Variants in DSCAML1 observed in about 807,000 individuals in gnomAD.
DSCAML1 encodes the protein cell adhesion molecule DSCAML1.
A neutral mutation model predicts 200.5 loss-of-function variants in DSCAML1; 38 were observed. The ratio of observed to expected loss-of-function variants is 0.19; its 90% confidence interval spans 0.15 to 0.25. DSCAML1 has a LOEUF of 0.25. Ranked by LOEUF, DSCAML1 falls within the 10% of genes least tolerant of loss-of-function variation. The pLI is 1.00. For synonymous variants in DSCAML1, 1,215 were observed against 1,165.0 expected (o/e 1.04, Z -0.87); for missense variants, 2,223 against 2,858.8 (o/e 0.78, Z 5.07).
chr11:117,649,334 T>C (rs2052582575), intron 3 of DSCAML1, among the ~76,000 whole-genome samples: 1 of 152,132 alleles, frequency 6.6e-6, no homozygotes, highest in Admixed American at 6.5e-5. Flanking sequence ...CGCCTTGGCC[T>C]CCCAAAGTGC....
At chr11:117,470,381 C>T (rs1012367953) in intron 15 of DSCAML1, among the ~76,000 whole-genome samples, 2 of 152,086 alleles carry the variant, frequency 1.3e-5, no homozygotes, top group Non-Finnish European at 2.9e-5. Flanking sequence ...CGAGACCATC[C>T]TGGCTAACAG....
At chr11:117,435,006 T>G (rs559630365) in intron 27 of DSCAML1, among the ~76,000 whole-genome samples, 3 of 152,378 alleles carry the variant, frequency 2.0e-5, no homozygotes, top group African/African-American at 7.2e-5. Flanking sequence ...CTCTATAGTC[T>G]TGCAGTATCT....
chr11:117,684,555 CAGAG>C (rs143050500), intron 3 of DSCAML1, among the ~76,000 whole-genome samples: 1 of 145,796 alleles, frequency 6.9e-6, no homozygotes, highest in Non-Finnish European at 1.5e-5. Flanking sequence ...TAGCAAAGAG[CAGAG>C]AGAGAGAGAG....
intron 3 of DSCAML1, among the ~76,000 whole-genome samples, chr11:117,702,619 C>T (rs1000146607): frequency 2.6e-5 from 4 of 152,004 alleles, no homozygotes; most frequent in Admixed American, 6.6e-5. Context: ...CATTGCCTGG[C>T]GCATAGTAGG....
chr11:117,556,636 C>T (rs959118642), intron 3 of DSCAML1, among the ~76,000 whole-genome samples: 15 of 152,084 alleles, frequency 9.9e-5, no homozygotes, highest in African/African-American at 3.6e-4. Context: ...ACCACCTGAC[C>T]CCAGGGCCCT....
At chr11:117,562,844 G>T (rs2050689107) in intron 3 of DSCAML1, among the ~76,000 whole-genome samples, 1 of 152,146 alleles carries the variant, frequency 6.6e-6, no homozygotes, top group African/African-American at 2.4e-5. Flanking sequence ...TGGTTCTCCT[G>T]CCTCAGCCTC....
chr11:117,549,655 A>C lies in DSCAML1; in HGVS notation c.512-17133T>G, dbSNP rs199665278. Among the ~76,000 whole-genome samples the C allele has an allele frequency of 2.8e-4, 43 of 152,312 alleles. No homozygotes were observed. The East Asian group carries it at 8.3e-3, about 29-fold the overall frequency. On this transcript the variant is annotated intron_variant, in intron 3 of 32. Transcript: ENST00000651296. ...GATTGCTCTCATGATTATGACTTACAGCTTCCCATCCAACGTCTACATCGG... is the reference window on the plus strand; with the variant it reads ...GATTGCTCTCATGATTATGACTTACCGCTTCCCATCCAACGTCTACATCGG...
intron 3 of DSCAML1, among the ~76,000 whole-genome samples, chr11:117,547,476 G>T (rs900638221): frequency 2.6e-5 from 4 of 151,760 alleles, no homozygotes; most frequent in Non-Finnish European, 4.4e-5. Flanking sequence ...CTGAAGGACC[G>T]CCCTACACCC....
intron 3 of DSCAML1, among the ~76,000 whole-genome samples, chr11:117,694,381 G>A (rs186844946): frequency 6.6e-6 from 1 of 151,506 alleles, no homozygotes; most frequent in Admixed American, 6.6e-5. Flanking sequence ...ACTCTAGCCT[G>A]GGCAACAGAG....
At chr11:117,812,386 C>A (rs2055768670) in intron 1 of DSCAML1, among the ~76,000 whole-genome samples, 1 of 152,164 alleles carries the variant, frequency 6.6e-6, no homozygotes, top group South Asian at 2.1e-4. Context: ...ACCAGACAAG[C>A]CTTACAAGTT....
chr11:117,495,199 C>T (rs2049267795), intron 11 of DSCAML1, among the ~76,000 whole-genome samples: 1 of 152,150 alleles, frequency 6.6e-6, no homozygotes, highest in Non-Finnish European at 1.5e-5. Flanking sequence ...GAGTGCACCC[C>T]CTGTTATGCT....
chr11:117,796,046 CG>C (rs2055567490), intron 1 of DSCAML1, among the ~76,000 whole-genome samples: 1 of 152,238 alleles, frequency 6.6e-6, no homozygotes, highest in Non-Finnish European at 1.5e-5. Flanking sequence ...TCTGCGCGCC[CG>C]GGGGCACGTC....
In DSCAML1 at chr11:117,479,277, C is replaced by T. The variant is rs190018918; in HGVS notation, c.2785+1166G>A. On this transcript the variant is annotated intron_variant, in intron 14 of 32. Transcript: ENST00000651296. ...AACCTTCCATCTAAGTAAGGACCCA[C>T]AAGAGGAGTTGAGCTGGTGAGGGAA... Among the ~76,000 whole-genome samples the T allele has an allele frequency of 1.9e-3, 292 of 152,334 alleles. 2 individuals are homozygous for T. Among genetic ancestry groups the T allele is most frequent in the African/African-American group, 6.5e-3 (272 of 41,586 alleles).
At chr11:117,792,489 G>A (rs772252220) in intron 1 of DSCAML1, among the ~76,000 whole-genome samples, 11 of 151,790 alleles carry the variant, frequency 7.2e-5, no homozygotes, top group African/African-American at 1.7e-4. Flanking sequence ...CCTCTGCCCC[G>A]CCATAACCAA....
intron 3 of DSCAML1, among the ~76,000 whole-genome samples, chr11:117,677,159 G>A (rs2053230426): frequency 6.6e-6 from 1 of 152,188 alleles, no homozygotes; most frequent in Non-Finnish European, 1.5e-5. Context: ...ATGTAAAAGA[G>A]GACATTTCTC....
chr11:117,490,796 A>G (rs984141318), intron 11 of DSCAML1, among the ~76,000 whole-genome samples: 2 of 152,192 alleles, frequency 1.3e-5, no homozygotes, highest in African/African-American at 4.8e-5. Flanking sequence ...TCTCCTGTGT[A>G]GGTTTTTCTT....
intron 3 of DSCAML1, among the ~76,000 whole-genome samples, chr11:117,584,504 G>A (rs925736401): frequency 2.0e-5 from 3 of 152,224 alleles, no homozygotes; most frequent in African/African-American, 7.2e-5. Flanking sequence ...CTTCAAGGAT[G>A]TCTGGCATCA....
intron 3 of DSCAML1, among the ~76,000 whole-genome samples, chr11:117,544,884 G>C (rs1182910445): frequency 6.6e-6 from 1 of 152,152 alleles, no homozygotes; most frequent in Admixed American, 6.5e-5. Flanking sequence ...TAAAGAGGTG[G>C]TTAAGGTTAA....
At chr11:117,656,333 C>T (rs564850276) in intron 3 of DSCAML1, among the ~76,000 whole-genome samples, 7 of 152,232 alleles carry the variant, frequency 4.6e-5, no homozygotes, top group Admixed American at 2.0e-4. Context: ...CTGTCACGTT[C>T]GACTAGGAAC....
Sources: gnomAD v4.1 joint callset for allele counts (sites outside exome capture counted in the v4.1 genomes callset) on GRCh38, gnomAD v4.1.1 for gene constraint, MANE v1.5 for transcripts, NCBI Gene and HGNC (gene_info 2026-07-23, HGNC 2026-07-21) for gene names.